LRRK1: variants seen among roughly 807,000 people sequenced by gnomAD.
LRRK1 encodes leucine-rich repeat serine/threonine-protein kinase 1.
In LRRK1, 113 loss-of-function variants were observed where a neutral mutation model predicts 209.1. The ratio of observed to expected loss-of-function variants is 0.54; its 90% CI spans 0.46 to 0.63. The LOEUF (loss-of-function observed/expected upper bound fraction) is 0.63, where lower values mean the gene tolerates loss of function less well. LRRK1 is among the 30% of genes least tolerant of loss of function. The pLI, the probability that LRRK1 is intolerant of heterozygous loss-of-function variation, is 0.00. For missense variants in LRRK1, 2,284 were observed against 2,632.2 expected (o/e 0.87, Z 2.89); for synonymous variants, 1,144 against 1,099.7 (o/e 1.04, Z -0.80).
rs554486218 is a variant in LRRK1, at chr15:101,074,276, T to C, written c.*5428T>C. ...CCTCAGCCTCCGCTCCTCCACCATA[T>C]AATCTTTTTATCACCTCCCCTCCTC... On this transcript the variant is annotated 3_prime_UTR_variant, in exon 34 of 34. Coordinates refer to ENST00000388948, the MANE Select transcript of LRRK1 (RefSeq NM_024652.6). 537 of 152,220 alleles carry C rather than the reference T, an allele frequency of 3.5e-3. 2 individuals carry two copies. Among genetic ancestry groups the C allele is most frequent in the African/African-American group, 0.012 (496 of 41,530 alleles). The allele number at this position is 152,220 out of a possible 1,614,324, so 9.4% of individuals were successfully genotyped here. A position where few individuals can be genotyped will look rare whatever the true frequency, so the allele number is the denominator to read the frequency against.
chr15:100,974,576 G>GT (rs1230940500), intron 3 of LRRK1, among the ~76,000 whole-genome samples: 3 of 152,280 alleles, frequency 2.0e-5, no homozygotes, highest in Admixed American at 6.5e-5. Flanking sequence ...CAATGGCTAC[G>GT]TGACACTCCA....
intron 3 of LRRK1, among the ~76,000 whole-genome samples, chr15:100,983,064 A>C (rs1168571903): frequency 6.6e-6 from 1 of 152,210 alleles, no homozygotes; most frequent in Non-Finnish European, 1.5e-5. Context: ...AGTCCCAGCT[A>C]CGCAGGAAGC....
At chr15:100,939,361 CTATGTG>C in intron 2 of LRRK1, among the ~76,000 whole-genome samples, 1 of 152,290 alleles carries the variant, frequency 6.6e-6, no homozygotes, top group South Asian at 2.1e-4. Flanking sequence ...AATTGCATTT[CTATGTG>C]TGGCCTGACA....
intron 2 of LRRK1, among the ~76,000 whole-genome samples, chr15:100,954,019 AATTCTTCT>A (rs2042706501): frequency 1.3e-5 from 2 of 152,012 alleles, no homozygotes; most frequent in Non-Finnish European, 2.9e-5. Flanking sequence ...AGGTTCAAGC[AATTCTTCT>A]GCCTCAGCCT....
At chr15:101,058,632 A>G (rs1407899746) in intron 29 of LRRK1, among the ~76,000 whole-genome samples, 1 of 83,182 alleles carries the variant, frequency 1.2e-5, no homozygotes, top group African/African-American at 5.4e-5. Flanking sequence ...GGGGGCGTCT[A>G]AACAGAGTTG....
chr15:101,063,501 C>T (rs74040277), intron 31 of LRRK1, among the ~76,000 whole-genome samples: 8,310 of 152,282 alleles, frequency 0.055, 726 homozygotes, highest in African/African-American at 0.19. Context: ...CTGGCTTTTC[C>T]GGGCTCCTCC....
intron 2 of LRRK1, among the ~76,000 whole-genome samples, chr15:100,926,672 CTTTTTTTCTTTTTTTTTT>C (rs2042118511): frequency 7.8e-6 from 1 of 128,666 alleles, no homozygotes; most frequent in Non-Finnish European, 1.6e-5. Context: ...TTTTTCTTTT[CTTTTTTTCTTTTTTTTTT>C]TTTTTTTTTT....
At chr15:100,948,145 C>T (rs1463941951) in intron 2 of LRRK1, among the ~76,000 whole-genome samples, 3 of 152,218 alleles carry the variant, frequency 2.0e-5, no homozygotes, top group Non-Finnish European at 4.4e-5. Context: ...CTCCCAGGTG[C>T]TACCCCCAAA....
At chr15:101,041,274 A>G (rs2034744060) in intron 20 of LRRK1, among the ~76,000 whole-genome samples, 1 of 152,208 alleles carries the variant, frequency 6.6e-6, no homozygotes, top group Admixed American at 6.5e-5. Context: ...TGATCTCTAT[A>G]AAAAAGGAAT....
intron 4 of LRRK1, among the ~76,000 whole-genome samples, chr15:100,986,199 G>A (rs1328667333): frequency 6.6e-6 from 1 of 152,156 alleles, no homozygotes; most frequent in African/African-American, 2.4e-5. Flanking sequence ...AGGAGACCCT[G>A]TCTCAAACAA....
At chr15:100,952,849 A>G (rs139822998) in intron 2 of LRRK1, among the ~76,000 whole-genome samples, 51 of 130,298 alleles carry the variant, frequency 3.9e-4, no homozygotes, top group African/African-American at 1.4e-3. Flanking sequence ...TTACTTGGGA[A>G]TATTACTGGG....
In LRRK1 at chr15:101,027,471, G is replaced by A; in HGVS notation, c.2526+90G>A. ...TCCCCCTCTCTCCTGTGAAGCCCAT[G>A]TCTGTGTGGCAAGGCTCGGTGGTTC... is the stretch of plus-strand genomic sequence containing the variant. On this transcript the variant is annotated intron_variant, in intron 18 of 33. Coordinates refer to ENST00000388948, the MANE Select transcript of LRRK1 (RefSeq NM_024652.6). This position sits in a 1 kb window ranked among gnomAD's most constrained non-coding sequence, Gnocchi z 5.1. 6.4e-7 allele frequency: 1 copy of A among 1,552,280 alleles called. No individual in the cohort carries two copies. The highest frequency in any genetic ancestry group is 8.7e-7 in the Non-Finnish European group (1 of 1,147,814).
chr15:100,927,892 C>T (rs1249403408), intron 2 of LRRK1, among the ~76,000 whole-genome samples: 1 of 152,194 alleles, frequency 6.6e-6, no homozygotes, highest in Non-Finnish European at 1.5e-5. Context: ...GCCTACAGTG[C>T]TCCCTCTGTA....
chr15:100,927,890 T>G (rs1211279781), intron 2 of LRRK1, among the ~76,000 whole-genome samples: 1 of 152,202 alleles, frequency 6.6e-6, no homozygotes, highest in Non-Finnish European at 1.5e-5. Context: ...AAGCCTACAG[T>G]GCTCCCTCTG....
intron 20 of LRRK1, among the ~76,000 whole-genome samples, chr15:101,040,216 A>G (rs1483845696): frequency 6.6e-6 from 1 of 152,138 alleles, no homozygotes; most frequent in Non-Finnish European, 1.5e-5. Flanking sequence ...TTACAAATTC[A>G]ATCTATTTAT....
rs1299214224 is a variant in LRRK1 at position 101,074,562 on chromosome 15, T to C, written c.*5714T>C. ...CCAAAAGGCCGTCTTATTCTCAATA[T>C]ATATTTTATCACCCAATCTGCTCCC... On this transcript the variant is annotated 3_prime_UTR_variant, in exon 34 of 34. Transcript: ENST00000388948. The C allele has an allele frequency of 6.6e-6, 1 of 152,190 alleles. No individual in the cohort carries two copies. Among genetic ancestry groups the C allele is most frequent in the Non-Finnish European group, 1.5e-5 (1 of 68,048 alleles). The allele number at this position is 152,190 out of a possible 1,614,324, so 9.4% of individuals were successfully genotyped here. A position where few individuals can be genotyped will look rare whatever the true frequency, so the allele number is the denominator to read the frequency against.
At position 101,022,066 on chromosome 15, in the gene LRRK1, T is replaced by C. The variant is rs965582267; in HGVS notation, c.1852+109T>C. 1.7e-5 allele frequency: 13 copies of C among 747,008 alleles called. No individual in the cohort carries two copies. In the African/African-American group the frequency reaches 2.3e-4, roughly 13 times the overall value. The allele number at this position is 747,008 out of a possible 1,614,324, so 46.3% of individuals were successfully genotyped here. On this transcript the variant is annotated intron_variant, in intron 14 of 33. Transcript: ENST00000388948. The surrounding 1 kb of genome is among the most constrained non-coding windows in gnomAD (Gnocchi z 4.0). ...CAGTTGGTGACCCATGGAGCCCAGCTCCAGGTTCCAGATTTGACAAGATGC... is the reference window on the plus strand; with the variant it reads ...CAGTTGGTGACCCATGGAGCCCAGCCCCAGGTTCCAGATTTGACAAGATGC...
intron 4 of LRRK1, among the ~76,000 whole-genome samples, chr15:100,984,327 A>G (rs2031758149): frequency 6.6e-6 from 1 of 152,228 alleles, no homozygotes; most frequent in Non-Finnish European, 1.5e-5. Flanking sequence ...CTTACTAACT[A>G]AAGTCCATCG....
In LRRK1 at chr15:101,057,700, G is replaced by A. The variant is rs531136225; in HGVS notation, c.4528-290G>A. 3.3e-5 allele frequency among the ~76,000 whole-genome samples: 5 copies of A among 152,212 alleles called. No homozygotes were observed. The South Asian group carries it at 1.0e-3, about 32-fold the overall frequency. On this transcript the variant is annotated intron_variant, in intron 28 of 33. Coordinates refer to ENST00000388948, the MANE Select transcript of LRRK1 (RefSeq NM_024652.6). ...GTGAGTAGGTTCTGCACTCCAGCTT[G>A]GGCAATATAGTGAGATGAAGAGTGT...
Sources: gnomAD v4.1 joint callset for allele counts (sites outside exome capture counted in the v4.1 genomes callset) on GRCh38, gnomAD v4.1.1 for gene constraint, Gnocchi (gnomAD v3.1) non-coding constraint, MANE v1.5 for transcripts, NCBI Gene and HGNC (gene_info 2026-07-23, HGNC 2026-07-21) for gene names.